RAP1B: variants seen among roughly 807,000 people sequenced by gnomAD.
RAP1B encodes ras-related protein Rap-1b.
Under a neutral mutation model 27.5 loss-of-function variants are expected in RAP1B, and 1 was observed. The observed-to-expected ratio is 0.04, with a 90% CI of 0.01 to 0.17. The LOEUF (loss-of-function observed/expected upper bound fraction) is 0.17. Ranked by LOEUF, RAP1B falls within the 10% of genes least tolerant of loss-of-function variation. The pLI, the probability that RAP1B is intolerant of heterozygous loss-of-function variation, is 1.00. For synonymous variants in RAP1B, 75 were observed against 73.1 expected (o/e 1.03, Z -0.13); for missense variants, 84 against 214.8 (o/e 0.39, Z 3.81).
intron 1 of RAP1B, chr12:68,627,515 C>G: frequency 4.0e-6 from 1 of 249,406 alleles, no homozygotes; most frequent in Non-Finnish European, 7.9e-6. Context: ...GCTTCTGGGC[C>G]TTCACATTTA....
At chr12:68,618,084 A>AG (rs1871146966) in intron 1 of RAP1B, among the ~76,000 whole-genome samples, 1 of 93,462 alleles carries the variant, frequency 1.1e-5, no homozygotes, top group Non-Finnish European at 2.2e-5. Context: ...TGTTCTATAA[A>AG]GCTTTTTTTT....
chr12:68,625,679 G>T (rs1871709392), intron 1 of RAP1B, among the ~76,000 whole-genome samples: 1 of 152,158 alleles, frequency 6.6e-6, no homozygotes, highest in African/African-American at 2.4e-5. Flanking sequence ...CCAACACTTT[G>T]GGAGGCCGAG....
intron 1 of RAP1B, among the ~76,000 whole-genome samples, chr12:68,635,203 G>A (rs960467452): frequency 1.2e-4 from 18 of 152,112 alleles, no homozygotes; most frequent in Non-Finnish European, 2.1e-4. Flanking sequence ...GGTAGGAGAG[G>A]CAGTGTTTGG....
Position 68,663,407 on chromosome 12 carries a change from G to A in RAP1B, c.*4158G>A, listed in dbSNP as rs747284758. ...TTCAAGAATACATGAGAGAAGAGAG[G>A]TAGATTGAGAACAGAACTAAACTTT... On this transcript the variant is annotated 3_prime_UTR_variant, in exon 8 of 8. Transcript: ENST00000250559. 6.6e-6 allele frequency: 1 copy of A among 152,150 alleles called. No homozygotes were observed. Among genetic ancestry groups the A allele is most frequent in the Non-Finnish European group, 1.5e-5 (1 of 68,028 alleles). 9.4% of individuals were successfully genotyped at this position (152,150 alleles called of 1,614,324 possible).
intron 1 of RAP1B, among the ~76,000 whole-genome samples, chr12:68,632,669 C>T (rs1025436401): frequency 6.6e-6 from 1 of 151,830 alleles, no homozygotes; most frequent in African/African-American, 2.4e-5. Context: ...TTAGAGTAGA[C>T]CCTGTAAAAG....
chr12:68,654,671 G>T (rs1422183101), intron 5 of RAP1B, among the ~76,000 whole-genome samples: 1 of 152,050 alleles, frequency 6.6e-6, no homozygotes, highest in African/African-American at 2.4e-5. Context: ...TAGAGACAGG[G>T]TTTCACCATG....
chr12:68,635,828 A>C (rs1291448038), intron 1 of RAP1B, among the ~76,000 whole-genome samples: 2 of 152,026 alleles, frequency 1.3e-5, no homozygotes, highest in East Asian at 1.9e-4. Flanking sequence ...TAGTAGTTAA[A>C]CAACTTGAGA....
Position 68,658,018 on chromosome 12 carries a change from G to T in RAP1B, c.*30+801G>T, listed in dbSNP as rs565401743. Among the ~76,000 whole-genome samples the T allele has an allele frequency of 1.6e-4, 24 of 152,214 alleles. No individual in the cohort carries two copies. The East Asian group carries it at 4.2e-3, about 27-fold the overall frequency. On this transcript the variant is annotated intron_variant, in intron 7 of 7. Coordinates refer to ENST00000250559, the MANE Select transcript of RAP1B (RefSeq NM_001010942.3). ...CCATGGGGTTTGCTGCACAGATCTT[G>T]CATCGGTACCTGGCACATAGTTAAC...
rs935598270 is a variant in RAP1B at position 68,665,165 on chromosome 12, G to A, written c.*5916G>A. 1.3e-5 allele frequency: 2 copies of A among 152,208 alleles called. No individual in the cohort carries two copies. The highest frequency in any genetic ancestry group is 2.9e-5 in the Non-Finnish European group (2 of 68,076). 9.4% of individuals were successfully genotyped at this position (152,208 alleles called of 1,614,324 possible). A position where few individuals can be genotyped will look rare whatever the true frequency, so the allele number is the denominator to read the frequency against. On this transcript the variant is annotated 3_prime_UTR_variant, in exon 8 of 8. Transcript: ENST00000250559. The stretch of plus-strand genomic sequence containing the variant: ...TCCCTACTGGAAATGGAATAGAATC[G>A]GATGGGTATGGTACAGCAGGTAGTT...
At chr12:68,625,783 G>C (rs1013881443) in intron 1 of RAP1B, among the ~76,000 whole-genome samples, 1 of 152,050 alleles carries the variant, frequency 6.6e-6, no homozygotes, top group Non-Finnish European at 1.5e-5. Flanking sequence ...TTAGCCGAGC[G>C]TGGTGGCGCG....
chr12:68,647,505 G>A (rs914890847), intron 1 of RAP1B, among the ~76,000 whole-genome samples: 1 of 149,862 alleles, frequency 6.7e-6, no homozygotes, highest in African/African-American at 2.5e-5. Context: ...ACAGACATGA[G>A]CCACCACATC....
intron 3 of RAP1B, among the ~76,000 whole-genome samples, chr12:68,651,301 A>C (rs978276306): frequency 6.6e-6 from 1 of 151,682 alleles, no homozygotes; most frequent in Non-Finnish European, 1.5e-5. Flanking sequence ...GGTATTTCCC[A>C]ACCTCTATGA....
rs1565677514 is a variant in RAP1B at position 68,662,035 on chromosome 12, A to ATATATATATATATATAT, written c.*2792_*2793insTATATATATATTATATA. On this transcript the variant is annotated 3_prime_UTR_variant, in exon 8 of 8. Transcript: ENST00000250559. ...ATATATATATATATATATATATATTATATATAGTACATATATAGAGAGAGT... is the reference window on the plus strand; with the variant it reads ...ATATATATATATATATATATATATTATATATATATATATATATTATATAGTACATATATAGAGAGAGT... 7.5e-6 allele frequency: 1 copy of ATATATATATATATATAT among 132,838 alleles called. No individual in the cohort carries two copies. Among genetic ancestry groups the ATATATATATATATATAT allele is most frequent in the East Asian group, 2.0e-4 (1 of 4,960 alleles). The allele number at this position is 132,838 out of a possible 1,614,324, so 8.2% of individuals were successfully genotyped here.
Position 68,657,186 on chromosome 12 carries a change from A to G in RAP1B, c.554A>G (p.Ter185=). 1 of 1,602,770 alleles carries G rather than the reference A, an allele frequency of 6.2e-7. No homozygotes were observed. Among genetic ancestry groups the G allele is most frequent in the Non-Finnish European group, 8.5e-7 (1 of 1,169,862 alleles). ...ARKKSSCQLL[*] is the part of the protein sequence containing the mutation. Reference sequence around the variant, plus strand: ...AAAAAGTCATCATGTCAGCTGCTTTAATATACTAAATGCATTGTAGCTCTG... The same window carrying G: ...AAAAAGTCATCATGTCAGCTGCTTTGATATACTAAATGCATTGTAGCTCTG... The change falls in exon 7 of 8, where the codon TAA becomes TGA. Residue 185 remains the stop codon, a stop_retained_variant. Coordinates refer to ENST00000250559, the MANE Select transcript of RAP1B (RefSeq NM_001010942.3).
chr12:68,626,121 A>C (rs942331468), intron 1 of RAP1B, among the ~76,000 whole-genome samples: 3 of 152,204 alleles, frequency 2.0e-5, no homozygotes, highest in Non-Finnish European at 2.9e-5. Flanking sequence ...TGTTTTAAAA[A>C]AGCTTCACCC....
At chr12:68,655,952 T>G (rs866512347) in intron 5 of RAP1B, among the ~76,000 whole-genome samples, 2 of 152,338 alleles carry the variant, frequency 1.3e-5, no homozygotes, top group Admixed American at 6.5e-5. Flanking sequence ...AACAGGATCA[T>G]AGCTTGTTTT....
intron 1 of RAP1B, among the ~76,000 whole-genome samples, chr12:68,640,315 T>C (rs1298656089): frequency 6.6e-6 from 1 of 151,026 alleles, no homozygotes; most frequent in Non-Finnish European, 1.5e-5. Flanking sequence ...TCTTATCTCT[T>C]TTTTTTTTCT....
chr12:68,636,647 T>G (rs1289343424), intron 1 of RAP1B, among the ~76,000 whole-genome samples: 1 of 152,112 alleles, frequency 6.6e-6, no homozygotes, highest in Non-Finnish European at 1.5e-5. Context: ...AGAATAGTCT[T>G]GAGCAGTCTT....
At chr12:68,632,142 T>G (rs77530797) in intron 1 of RAP1B, among the ~76,000 whole-genome samples, 42,725 of 135,226 alleles carry the variant, frequency 0.32, 7,722 homozygotes, top group Non-Finnish European at 0.43. Context: ...TTTTTTTTTT[T>G]TTTGTTTGTT....
Sources: gnomAD v4.1 joint callset for allele counts (sites outside exome capture counted in the v4.1 genomes callset) on GRCh38, gnomAD v4.1.1 for gene constraint, MANE v1.5 for transcripts, NCBI Gene and HGNC (gene_info 2026-07-23, HGNC 2026-07-21) for gene names.